Variants in PRKN observed in about 807,000 individuals in gnomAD.
The protein encoded by PRKN is parkin RBR E3 ubiquitin protein ligase.
PRKN carries 56 observed loss-of-function variants against 59.5 expected under a neutral mutation model. That is an observed-to-expected ratio of 0.94 (90% CI 0.76 to 1.18). The LOEUF is 1.18. Ranked by LOEUF, PRKN falls within the 50% of genes most tolerant of loss-of-function variation. The pLI is 0.00. For synonymous variants in PRKN, 250 were observed against 222.1 expected (o/e 1.13, Z -1.12); for missense variants, 657 against 596.4 (o/e 1.10, Z -1.06).
chr6:161,382,719 T>C (rs925483160), intron 10 of PRKN, among the ~76,000 whole-genome samples: 20 of 152,220 alleles, frequency 1.3e-4, no homozygotes, highest in African/African-American at 4.8e-4. Flanking sequence ...TCCCAGCAGT[T>C]TCAACGTAAA....
intron 5 of PRKN, among the ~76,000 whole-genome samples, chr6:161,987,683 C>G (rs73606812): frequency 0.022 from 3,372 of 152,022 alleles, 128 homozygotes; most frequent in African/African-American, 0.077. Context: ...TGATTGAACC[C>G]AAAAATGCAG....
chr6:162,568,590 C>T, intron 1 of PRKN: 1 of 852,024 alleles, frequency 1.2e-6, no homozygotes, highest in Non-Finnish European at 2.0e-6. Flanking sequence ...GGAGAAGGAG[C>T]AGATCAGGAC....
At chr6:161,866,779 T>C (rs573028045) in intron 6 of PRKN, among the ~76,000 whole-genome samples, 1 of 152,224 alleles carries the variant, frequency 6.6e-6, no homozygotes, top group Admixed American at 6.5e-5. Context: ...TTTATAGTGA[T>C]TGCTGTGAGT....
intron 1 of PRKN, among the ~76,000 whole-genome samples, chr6:162,496,992 A>T (rs1218053336): frequency 6.6e-6 from 1 of 152,222 alleles, no homozygotes; most frequent in Admixed American, 6.5e-5. Context: ...CCAATGGGAA[A>T]TAACTTATAA....
chr6:162,497,252 A>G (rs1184428548), intron 1 of PRKN, among the ~76,000 whole-genome samples: 1 of 152,210 alleles, frequency 6.6e-6, no homozygotes, highest in African/African-American at 2.4e-5. Context: ...GTAGATGCTC[A>G]GTGAATATTC....
At chr6:161,486,867 T>G (rs1441421045) in intron 9 of PRKN, among the ~76,000 whole-genome samples, 1 of 152,226 alleles carries the variant, frequency 6.6e-6, no homozygotes, top group Non-Finnish European at 1.5e-5. Flanking sequence ...TCATACACTC[T>G]TTAATCAAGG....
At chr6:162,323,862 A>T (rs968515792) in intron 2 of PRKN, among the ~76,000 whole-genome samples, 11 of 152,192 alleles carry the variant, frequency 7.2e-5, no homozygotes, top group Admixed American at 6.5e-5. Context: ...ATTGAGACAT[A>T]AGCTGATCAT....
At chr6:162,048,203 A>C (rs974807867) in intron 5 of PRKN, among the ~76,000 whole-genome samples, 2 of 152,204 alleles carry the variant, frequency 1.3e-5, no homozygotes, top group African/African-American at 4.8e-5. Flanking sequence ...ATATATAAAA[A>C]ATATTATAGC....
chr6:161,550,179 A>G lies in PRKN; in HGVS notation c.934-1176T>C, dbSNP rs962512187. On this transcript the variant is annotated intron_variant, in intron 8 of 11. Transcript: ENST00000366898. This position sits in a 1 kb window ranked among gnomAD's most constrained non-coding sequence, Gnocchi z 4.0. Reference sequence around the variant, plus strand: ...GCTGATGTGGTTGGCTGTTCAGGGTACAACAAGGGGGGCAGTGGGGCGGAG... The same window carrying G: ...GCTGATGTGGTTGGCTGTTCAGGGTGCAACAAGGGGGGCAGTGGGGCGGAG... Among the ~76,000 whole-genome samples the G allele has an allele frequency of 1.3e-5, 2 of 152,200 alleles. No individual in the cohort carries two copies. Among genetic ancestry groups the G allele is most frequent in the African/African-American group, 4.8e-5 (2 of 41,440 alleles).
chr6:162,326,132 A>C (rs537682293), intron 2 of PRKN, among the ~76,000 whole-genome samples: 1 of 152,316 alleles, frequency 6.6e-6, no homozygotes, highest in Non-Finnish European at 1.5e-5. Context: ...GAAGCTTAGA[A>C]GCAAAAGGAA....
At chr6:162,048,492 G>A (rs977969679) in intron 5 of PRKN, among the ~76,000 whole-genome samples, 4 of 151,872 alleles carry the variant, frequency 2.6e-5, no homozygotes, top group Non-Finnish European at 4.4e-5. Context: ...GTTAGGATTC[G>A]GAACTCAGAA....
chr6:162,409,483 C>T (rs1788244214), intron 2 of PRKN, among the ~76,000 whole-genome samples: 1 of 152,076 alleles, frequency 6.6e-6, no homozygotes, highest in Non-Finnish European at 1.5e-5. Context: ...TAGCACACCC[C>T]ACCCTCACCC....
chr6:162,697,770 A>C (rs1471982359), intron 1 of PRKN, among the ~76,000 whole-genome samples: 1 of 152,244 alleles, frequency 6.6e-6, no homozygotes, highest in Non-Finnish European at 1.5e-5. Flanking sequence ...ATTATCAATA[A>C]TTTGAAAATA....
chr6:161,806,291 C>T lies in PRKN; in HGVS notation c.735-20383G>A, dbSNP rs145988583. ...CAGAGGCCACCGCTCCTGGAACTGA[C>T]GGGCCCTGATATCGCACACAGGAAC... On this transcript the variant is annotated intron_variant, in intron 6 of 11. Transcript: ENST00000366898. 3.2e-3 allele frequency among the ~76,000 whole-genome samples: 490 copies of T among 152,264 alleles called. 2 individuals carry two copies. The highest frequency in any genetic ancestry group is 0.011 in the African/African-American group (463 of 41,550).
chr6:162,378,158 C>T (rs1786225642), intron 2 of PRKN, among the ~76,000 whole-genome samples: 1 of 152,136 alleles, frequency 6.6e-6, no homozygotes, highest in Non-Finnish European at 1.5e-5. Context: ...CTTTTCTCCC[C>T]TTTCTTTCTA....
intron 5 of PRKN, among the ~76,000 whole-genome samples, chr6:161,995,418 T>C (rs1189365316): frequency 2.0e-5 from 3 of 152,104 alleles, no homozygotes; most frequent in Non-Finnish European, 4.4e-5. Flanking sequence ...TAAATGGGAC[T>C]ATATTAAGCA....
At chr6:162,706,372 G>A (rs1298064845) in intron 1 of PRKN, among the ~76,000 whole-genome samples, 1 of 152,142 alleles carries the variant, frequency 6.6e-6, no homozygotes, top group Non-Finnish European at 1.5e-5. Flanking sequence ...AACCAGATGG[G>A]CTATTTACTT....
chr6:162,537,373 T>G (rs1778762026), intron 1 of PRKN, among the ~76,000 whole-genome samples: 1 of 152,218 alleles, frequency 6.6e-6, no homozygotes, highest in African/African-American at 2.4e-5. Context: ...CCCGCTTCTT[T>G]GCTCAGGCCC....
intron 6 of PRKN, among the ~76,000 whole-genome samples, chr6:161,896,107 T>C (rs945784148): frequency 2.0e-5 from 3 of 152,098 alleles, no homozygotes; most frequent in Non-Finnish European, 2.9e-5. Context: ...ATAAATTATG[T>C]GAGAGAAAAT....
Sources: allele counts gnomAD v4.1 joint callset (sites outside exome capture counted in the v4.1 genomes callset), GRCh38; gene constraint gnomAD v4.1.1; non-coding constraint Gnocchi (gnomAD v3.1); transcripts MANE v1.5; gene names NCBI Gene and HGNC (gene_info 2026-07-23, HGNC 2026-07-21).